Variants in CCDC138 observed in about 807,000 individuals in gnomAD.
CCDC138 encodes the protein coiled-coil domain-containing protein 138.
Under a neutral mutation model 82.3 loss-of-function variants are expected in CCDC138, and 66 were observed. That is an observed-to-expected ratio of 0.80 (90% CI 0.66 to 0.98). The LOEUF (loss-of-function observed/expected upper bound fraction) is 0.98, where lower values mean the gene tolerates loss of function less well. Among genes scored for constraint, CCDC138 ranks in the 50% least tolerant of loss-of-function variants. The pLI is 0.00. For synonymous variants in CCDC138, 297 were observed against 265.4 expected (o/e 1.12, Z -1.16); for missense variants, 816 against 758.9 (o/e 1.08, Z -0.88).
At chr2:108,848,719 G>T (rs1690913932) in intron 12 of CCDC138, among the ~76,000 whole-genome samples, 1 of 152,118 alleles carries the variant, frequency 6.6e-6, no homozygotes, top group Admixed American at 6.5e-5. Context: ...TGGGGCAGAG[G>T]CTTAGCCAAC....
Position 108,791,716 on chromosome 2 carries a change from A to G in CCDC138, c.308A>G (p.Gln103Arg), listed in dbSNP as rs753341086. ...ELDSFHDLKK[Q>R]ETEEELIEND... ...GATTCTTTCCATGATTTGAAGAAAC[A>G]GGAAACAGAAGAAGAGTTAATTGAA... is the stretch of plus-strand genomic sequence containing the variant. Residue 103 changes from glutamine (Q) to arginine (R), a missense_variant, in exon 4 of 15, where the codon CAG becomes CGG. Coordinates refer to ENST00000295124, the MANE Select transcript of CCDC138 (RefSeq NM_144978.3). The G allele has an allele frequency of 1.9e-5, 31 of 1,606,632 alleles. No individual in the cohort carries two copies. Among genetic ancestry groups the G allele is most frequent in the Non-Finnish European group, 2.5e-5 (29 of 1,175,290 alleles).
intron 10 of CCDC138, among the ~76,000 whole-genome samples, chr2:108,818,677 T>A (rs1685169867): frequency 6.6e-6 from 1 of 152,190 alleles, no homozygotes; most frequent in Non-Finnish European, 1.5e-5. Flanking sequence ...TTAAATAATG[T>A]AACCTTATCT....
chr2:108,846,494 C>T (rs1056931360), intron 11 of CCDC138, among the ~76,000 whole-genome samples: 14 of 150,194 alleles, frequency 9.3e-5, no homozygotes, highest in African/African-American at 3.4e-4. Flanking sequence ...GCCTCAGCAA[C>T]TTAGTGAGAC....
intron 3 of CCDC138, among the ~76,000 whole-genome samples, chr2:108,791,042 G>A (rs826550): frequency 0.99 from 150,853 of 152,306 alleles, 74,729 homozygotes; most frequent in East Asian, 1. Flanking sequence ...GATCACAGGC[G>A]TGAGCCACCA....
chr2:108,824,223 T>C (rs1053418939), intron 10 of CCDC138, among the ~76,000 whole-genome samples: 1 of 152,208 alleles, frequency 6.6e-6, no homozygotes, highest in Admixed American at 6.5e-5. Flanking sequence ...TTTTACTTTA[T>C]AAACTTTTTA....
rs189439661 is a variant in CCDC138 at position 108,791,889 on chromosome 2, C to T, written c.394+87C>T. The T allele has an allele frequency of 3.8e-6, 5 of 1,301,282 alleles. No homozygotes were observed. In the East Asian group the frequency reaches 1.3e-4, roughly 33 times the overall value. The allele number at this position is 1,301,282 out of a possible 1,614,324, so 80.6% of individuals were successfully genotyped here. A position where few individuals can be genotyped will look rare whatever the true frequency, so the allele number is the denominator to read the frequency against. The stretch of plus-strand genomic sequence containing the variant: ...GCTTCCCTCCTAGTAATAACACTGG[C>T]CCCCAAGAGTTTGCATATTTCTGTG... On this transcript the variant is annotated intron_variant, in intron 4 of 14. Coordinates refer to ENST00000295124, the MANE Select transcript of CCDC138 (RefSeq NM_144978.3).
At chr2:108,820,699 CA>C (rs764017401) in intron 10 of CCDC138, among the ~76,000 whole-genome samples, 21 of 62,580 alleles carry the variant, frequency 3.4e-4, no homozygotes, top group Non-Finnish European at 5.8e-4. Context: ...ATTCAAAGTG[CA>C]AAAAAAAAAA....
chr2:108,824,705 G>A (rs1373983823), intron 10 of CCDC138, among the ~76,000 whole-genome samples: 1 of 151,992 alleles, frequency 6.6e-6, no homozygotes, highest in Non-Finnish European at 1.5e-5. Flanking sequence ...TTATCAAGTA[G>A]TATGTACTGT....
chr2:108,848,579 C>T (rs1690884569), intron 12 of CCDC138, among the ~76,000 whole-genome samples: 1 of 152,150 alleles, frequency 6.6e-6, no homozygotes, highest in Non-Finnish European at 1.5e-5. Flanking sequence ...TAAGATGTCC[C>T]ATATGGCTTA....
chr2:108,826,122 T>C (rs1686547332), intron 10 of CCDC138, among the ~76,000 whole-genome samples: 1 of 152,214 alleles, frequency 6.6e-6, no homozygotes, highest in Non-Finnish European at 1.5e-5. Context: ...TACTGAGTTT[T>C]TTGTAGGAGG....
intron 11 of CCDC138, among the ~76,000 whole-genome samples, chr2:108,843,894 T>TTC (rs2150549872): frequency 7.2e-6 from 1 of 138,708 alleles, no homozygotes; most frequent in South Asian, 2.4e-4. Context: ...TTCTTTTTTT[T>TTC]TTTTTTTTTT....
intron 13 of CCDC138, among the ~76,000 whole-genome samples, chr2:108,868,856 G>A (rs1040056545): frequency 2.6e-5 from 4 of 152,020 alleles, no homozygotes; most frequent in Admixed American, 2.0e-4. Flanking sequence ...TTCTGATGAC[G>A]TTGTCTTGCA....
chr2:108,805,911 T>C (rs533209904), intron 7 of CCDC138, among the ~76,000 whole-genome samples: 2 of 151,636 alleles, frequency 1.3e-5, no homozygotes, highest in East Asian at 1.9e-4. Flanking sequence ...GTGTGGGGAG[T>C]AGATGTTGGA....
intron 13 of CCDC138, 28 bp from the exon 14 acceptor site, chr2:108,873,423 A>G (rs1460594241): frequency 6.5e-7 from 1 of 1,529,610 alleles, no homozygotes; most frequent in Admixed American, 2.2e-5. Flanking sequence ...ACTCCCTAAT[A>G]GTAAAGCACT....
At chr2:108,876,050 GTA>G (rs1403441192) in intron 14 of CCDC138, 36 bp from the exon 15 acceptor site, 3 of 1,349,112 alleles carry the variant, frequency 2.2e-6, no homozygotes, top group Non-Finnish European at 3.2e-6. Flanking sequence ...AACTCTCTAA[GTA>G]TGTGTAATTA....
In CCDC138 at chr2:108,812,899, A is replaced by C. The variant is rs141817899; in HGVS notation, c.1013A>C (p.Glu338Ala). 2.5e-5 allele frequency: 41 copies of C among 1,613,714 alleles called. No homozygotes were observed. The African/African-American group carries it at 4.4e-4, about 17-fold the overall frequency. Residue 338 changes from glutamate (E) to alanine (A), a missense_variant, in exon 9 of 15, where the codon GAA (glutamate) becomes GCA (alanine). Glu to Ala is a moderately radical substitution (Grantham distance 107, BLOSUM62 -1). Coordinates refer to ENST00000295124, the MANE Select transcript of CCDC138 (RefSeq NM_144978.3). ...CATGAAATGAAAAGTTTAAAACAAG[A>C]AAAAGCACCAGTTTCAAAAACTTAC... ...AVHEMKSLKQEKAPVSKTYKV... is the reference protein window; with the variant it reads ...AVHEMKSLKQAKAPVSKTYKV...
Position 108,805,021 on chromosome 2 carries a change from T to A in CCDC138, c.855+13T>A. ...CTTAAAAAAACAGGTAAGACCTGTT[T>A]TAATATATACTGAACATAAGACATT... On this transcript the variant is annotated intron_variant, in intron 7 of 14. Coordinates refer to ENST00000295124, the MANE Select transcript of CCDC138 (RefSeq NM_144978.3). 7.0e-7 allele frequency: 1 copy of A among 1,437,368 alleles called. No individual in the cohort carries two copies. The highest frequency in any genetic ancestry group is 9.4e-7 in the Non-Finnish European group (1 of 1,067,942). The allele number at this position is 1,437,368 out of a possible 1,614,324, so 89.0% of individuals were successfully genotyped here.
chr2:108,841,687 TTGTCAAGCTC>T, intron 11 of CCDC138, among the ~76,000 whole-genome samples: 1 of 152,156 alleles, frequency 6.6e-6, no homozygotes, highest in African/African-American at 2.4e-5. Context: ...AAAATAAACT[TTGTCAAGCTC>T]TGTTTTAATT....
At chr2:108,883,761 G>T (rs1558785451) in intron 2 of CCDC138, 1 of 152,262 alleles carries the variant, frequency 6.6e-6, no homozygotes, top group East Asian at 1.9e-4. Context: ...AGGGCACAGT[G>T]CTTTGTGACT....
Sources: allele counts gnomAD v4.1 joint callset (sites outside exome capture counted in the v4.1 genomes callset), GRCh38; gene constraint gnomAD v4.1.1; transcripts MANE v1.5; gene names NCBI Gene and HGNC (gene_info 2026-07-23, HGNC 2026-07-21).